ARFGEF3: variants seen among roughly 807,000 people sequenced by gnomAD.
ARFGEF3 encodes ARFGEF family member 3, also known as brefeldin A-inhibited guanine nucleotide-exchange protein 3.
Under a neutral mutation model 221.7 loss-of-function variants are expected in ARFGEF3, and 96 were observed. That is an observed-to-expected ratio of 0.43 (90% CI 0.37 to 0.51). The LOEUF (loss-of-function observed/expected upper bound fraction) is 0.51. Among genes scored for constraint, ARFGEF3 ranks in the 20% least tolerant of loss-of-function variants. The pLI, the probability that ARFGEF3 is intolerant of heterozygous loss-of-function variation, is 0.00. For synonymous variants in ARFGEF3, 1,145 were observed against 1,126.8 expected (o/e 1.02, Z -0.32); for missense variants, 2,410 against 2,789.9 (o/e 0.86, Z 3.07).
chr6:138,207,310 G>A (rs1227196328), intron 3 of ARFGEF3, among the ~76,000 whole-genome samples, 187 bp downstream of exon 3: 3 of 152,180 alleles, frequency 2.0e-5, no homozygotes, highest in Non-Finnish European at 2.9e-5. Context: ...TCTGTACACA[G>A]CATTATTTCG....
intron 4 of ARFGEF3, chr6:138,218,300 GA>G: frequency 6.3e-7 from 1 of 1,583,162 alleles, no homozygotes; most frequent in Non-Finnish European, 8.6e-7. Flanking sequence ...GTAGCCTTGG[GA>G]AGTTACTTAA....
chr6:138,254,408 G>C (rs1185531157), intron 9 of ARFGEF3, among the ~76,000 whole-genome samples: 1 of 147,558 alleles, frequency 6.8e-6, no homozygotes, highest in East Asian at 2.0e-4. Flanking sequence ...GACAGAGCAA[G>C]ACTCTGTCCC....
chr6:138,228,415 A>T (rs1043538089), intron 4 of ARFGEF3, among the ~76,000 whole-genome samples: 10 of 149,856 alleles, frequency 6.7e-5, no homozygotes, highest in Non-Finnish European at 4.4e-5. Flanking sequence ...TCGAACTCCT[A>T]ATCTCAAGTG....
chr6:138,252,197 C>G (rs1778595247), intron 8 of ARFGEF3, among the ~76,000 whole-genome samples: 1 of 152,190 alleles, frequency 6.6e-6, no homozygotes, highest in East Asian at 1.9e-4. Context: ...TATTTAATCA[C>G]TATACAGCTT....
At chr6:138,195,005 T>C (rs1777384017) in intron 2 of ARFGEF3, among the ~76,000 whole-genome samples, 1 of 133,000 alleles carries the variant, frequency 7.5e-6, no homozygotes. Context: ...TTTTTTTTTT[T>C]TTTTTTTTTT....
intron 12 of ARFGEF3, among the ~76,000 whole-genome samples, chr6:138,266,478 A>G (rs1266972016): frequency 2.6e-5 from 4 of 152,060 alleles, no homozygotes; most frequent in African/African-American, 7.2e-5. Flanking sequence ...GGCTCAAACA[A>G]TCCTCCTGCC....
chr6:138,215,342 G>GGAGAT (rs1316452785), intron 4 of ARFGEF3, among the ~76,000 whole-genome samples: 1 of 152,200 alleles, frequency 6.6e-6, no homozygotes, highest in Admixed American at 6.5e-5. Context: ...CGATAAGGAA[G>GGAGAT]GAGATGATGC....
At chr6:138,274,295 C>T (rs1779056198) in intron 12 of ARFGEF3, among the ~76,000 whole-genome samples, 1 of 152,164 alleles carries the variant, frequency 6.6e-6, no homozygotes, top group Admixed American at 6.5e-5. Context: ...GGTAGTTAAA[C>T]ACCCAATCCT....
chr6:138,200,269 A>T (rs552490146), intron 2 of ARFGEF3, among the ~76,000 whole-genome samples: 1 of 152,286 alleles, frequency 6.6e-6, no homozygotes, highest in African/African-American at 2.4e-5. Context: ...CTATAAATTC[A>T]ACACAATCCC....
At chr6:138,263,882 G>A (rs1211046170) in intron 12 of ARFGEF3, among the ~76,000 whole-genome samples, 2 of 152,116 alleles carry the variant, frequency 1.3e-5, no homozygotes, top group Non-Finnish European at 2.9e-5. Flanking sequence ...ATTCTAGAAA[G>A]GTGCTACTGA....
chr6:138,279,040 C>T (rs1364728260), intron 13 of ARFGEF3, among the ~76,000 whole-genome samples: 1 of 152,000 alleles, frequency 6.6e-6, no homozygotes, highest in East Asian at 1.9e-4. Context: ...AGACAGAGCC[C>T]CGCTTTGTTG....
At chr6:138,282,608 CATTG>C (rs1177887062) in intron 14 of ARFGEF3, among the ~76,000 whole-genome samples, 6 of 152,202 alleles carry the variant, frequency 3.9e-5, no homozygotes, top group Non-Finnish European at 8.8e-5. Flanking sequence ...GAGTCCTCAT[CATTG>C]ATTGGCATTT....
At chr6:138,249,115 T>G (rs900624643) in intron 8 of ARFGEF3, among the ~76,000 whole-genome samples, 3 of 152,226 alleles carry the variant, frequency 2.0e-5, no homozygotes, top group African/African-American at 7.2e-5. Context: ...GAATAGTTGC[T>G]GCTAATTCTA....
chr6:138,254,214 C>G (rs1161939548), intron 9 of ARFGEF3, among the ~76,000 whole-genome samples: 1 of 151,876 alleles, frequency 6.6e-6, no homozygotes, highest in Admixed American at 6.6e-5. Flanking sequence ...GCCAGGAGCT[C>G]GAGACCAGCC....
At chr6:138,256,520 A>G (rs1287527323) in intron 10 of ARFGEF3, among the ~76,000 whole-genome samples, 1 of 152,194 alleles carries the variant, frequency 6.6e-6, no homozygotes, top group Non-Finnish European at 1.5e-5. Flanking sequence ...TATTTTAAGC[A>G]ATCATTGCTG....
Position 138,280,875 on chromosome 6 carries a change from C to T in ARFGEF3, c.2461+711C>T, listed in dbSNP as rs115017590. 4.4e-3 allele frequency among the ~76,000 whole-genome samples: 671 copies of T among 152,082 alleles called. 6 individuals are homozygous for T. The highest frequency in any genetic ancestry group is 0.015 in the African/African-American group (626 of 41,516). ...TCAAAACAAAAAGTTGGTTTCCTTCCGTTTATCCATATCAGAGGCCCTCCC... is the reference window on the plus strand; with the variant it reads ...TCAAAACAAAAAGTTGGTTTCCTTCTGTTTATCCATATCAGAGGCCCTCCC... On this transcript the variant is annotated intron_variant, in intron 14 of 33. Transcript: ENST00000251691.
chr6:138,326,295 T>C (rs1489501467), intron 31 of ARFGEF3, among the ~76,000 whole-genome samples: 1 of 152,222 alleles, frequency 6.6e-6, no homozygotes, highest in Non-Finnish European at 1.5e-5. Context: ...TAAAGTATTC[T>C]AGTCTTGCCG....
intron 15 of ARFGEF3, 135 bp downstream of exon 15, chr6:138,286,188 C>T (rs1199726039): frequency 8.1e-6 from 5 of 620,460 alleles, no homozygotes; most frequent in Non-Finnish European, 1.4e-5. Flanking sequence ...CGGTGGCTCA[C>T]GCCTGTAATC....
At position 138,263,559 on chromosome 6, in the gene ARFGEF3, T is replaced by C. The variant is rs773486560; in HGVS notation, c.2076T>C (p.Asn692=). Residue 692 remains asparagine, a synonymous_variant, in exon 12 of 34, where the codon AAT becomes AAC. Transcript: ENST00000251691. ...GLLPRLLSLS[N]VEEVDTALQN... is the part of the protein sequence containing the mutation. ...TCCCTCGGCTCCTGTCTCTCTCCAA[T>C]GTAGAGGAGGTGGACACCGCTCTGC... 1.2e-6 allele frequency: 2 copies of C among 1,612,496 alleles called. No individual in the cohort carries two copies. Among genetic ancestry groups the C allele is most frequent in the Non-Finnish European group, 8.5e-7 (1 of 1,179,706 alleles).
Sources: allele counts gnomAD v4.1 joint callset (sites outside exome capture counted in the v4.1 genomes callset), GRCh38; gene constraint gnomAD v4.1.1; transcripts MANE v1.5; gene names NCBI Gene and HGNC (gene_info 2026-07-23, HGNC 2026-07-21).